The following NFX1 variants were observed in gnomAD, a reference collection of about 807,000 sequenced individuals.
The protein encoded by NFX1 is transcriptional repressor NF-X1.
A neutral mutation model predicts 137.2 loss-of-function variants in NFX1; 69 were observed. The observed-to-expected ratio is 0.50, with a 90% CI of 0.41 to 0.61. The LOEUF (loss-of-function observed/expected upper bound fraction) is 0.61, where lower values mean the gene tolerates loss of function less well. Among genes scored for constraint, NFX1 ranks in the 20% least tolerant of loss-of-function variants. The pLI is 0.00. For missense variants in NFX1, 1,167 were observed against 1,391.0 expected, an observed-to-expected ratio of 0.84 and a Z score of 2.56; for synonymous variants, 495 against 474.1, an observed-to-expected ratio of 1.04 and a Z score of -0.57.
At position 33,295,356 on chromosome 9, in the gene NFX1, A is replaced by G. The variant is rs371208813; in HGVS notation, c.962A>G (p.Asp321Gly). The change falls in exon 2 of 24, where the codon GAT (aspartate) becomes GGT (glycine). Residue 321 changes from aspartate to glycine, a missense_variant. Asp to Gly is a moderately conservative substitution (Grantham distance 94, BLOSUM62 -1). Around this residue, in one of 3 missense-constraint regions of NFX1, gnomAD observed 367 missense variants for 386.7 expected, o/e 0.95. Transcript: ENST00000379540. ...GAGAAATGCACTGTACGGAGGCAGG[A>G]TCCTCAAGTAGTATCTCCTTTCTCC... Reference protein sequence around the residue: ...DQEKCTVRRQDPQVVSPFSRG... With the variant: ...DQEKCTVRRQGPQVVSPFSRG... 4.3e-6 allele frequency: 7 copies of G among 1,614,160 alleles called. No individual in the cohort carries two copies. In the South Asian group the frequency reaches 6.6e-5, roughly 15 times the overall value.
At chr9:33,325,489 C>G (rs913672397) in intron 9 of NFX1, among the ~76,000 whole-genome samples, 1 of 152,154 alleles carries the variant, frequency 6.6e-6, no homozygotes, top group African/African-American at 2.4e-5. Flanking sequence ...CGGTGAAACC[C>G]TGTCTCTACT....
chr9:33,319,197 C>T, intron 9 of NFX1, 70 bp downstream of exon 9: 1 of 1,337,828 alleles, frequency 7.5e-7, no homozygotes, highest in African/African-American at 1.4e-5. Context: ...AGTGTTTAAG[C>T]AATGTAGAAG....
rs1299579613 is a variant in NFX1 at position 33,367,634 on chromosome 9, C to T, written c.3290+15C>T. On this transcript the variant is annotated intron_variant, in intron 23 of 23. Coordinates refer to ENST00000379540, the MANE Select transcript of NFX1 (RefSeq NM_002504.6). ...CAGTCAGACAAGTAAGATTCTCCAG[C>T]TGCTTTCCAAGGGGACCTGTCTGTC... is the stretch of plus-strand genomic sequence containing the variant. The T allele has an allele frequency of 6.2e-7, 1 of 1,611,548 alleles. No individual in the cohort carries two copies. Among genetic ancestry groups the T allele is most frequent in the Admixed American group, 1.7e-5 (1 of 59,954 alleles).
rs1823637556 is a variant in NFX1 at position 33,351,583 on chromosome 9, C to T, written c.2448C>T (p.His816=). Residue 816 remains histidine (H), a synonymous_variant, in exon 16 of 24, where the codon CAC becomes CAT. Coordinates refer to ENST00000379540, the MANE Select transcript of NFX1 (RefSeq NM_002504.6). ...KHEFRSNIPC[H]LVDISCGLPC... ...AGTTTCGGAGCAACATCCCCTGTCA[C>T]CTGGTTGATATCTCTTGCGGATTAC... 1.2e-6 allele frequency: 2 copies of T among 1,614,120 alleles called. No homozygotes were observed. The highest frequency in any genetic ancestry group is 1.3e-5 in the African/African-American group (1 of 74,938).
At chr9:33,367,728 C>A in intron 23 of NFX1, 109 bp downstream of exon 23, 1 of 940,238 alleles carries the variant, frequency 1.1e-6, no homozygotes, top group Non-Finnish European at 1.7e-6. Context: ...CAGGCCTGGC[C>A]TTGGGGTACC....
rs993448908 is a variant in NFX1, at chr9:33,370,055, G to A, written c.*77G>A. On this transcript the variant is annotated 3_prime_UTR_variant, in exon 24 of 24. Coordinates refer to ENST00000379540, the MANE Select transcript of NFX1 (RefSeq NM_002504.6). ...ATTTGCCAGCAGATAAATCATGCCCGTTCCCCTCTGCCTGGCAGAATCACA... is the reference window on the plus strand; with the variant it reads ...ATTTGCCAGCAGATAAATCATGCCCATTCCCCTCTGCCTGGCAGAATCACA... 26 of 1,091,236 alleles carry A rather than the reference G, an allele frequency of 2.4e-5. No individual in the cohort carries two copies. The African/African-American group carries it at 2.5e-4, about 10-fold the overall frequency. 67.6% of individuals were successfully genotyped at this position (1,091,236 alleles called of 1,614,324 possible).
Position 33,370,602 on chromosome 9 carries a change from GA to G in NFX1, c.*626del, listed in dbSNP as rs1824298315. The G allele has an allele frequency of 6.6e-6, 1 of 152,262 alleles. No individual in the cohort carries two copies. Among genetic ancestry groups the G allele is most frequent in the African/African-American group, 2.4e-5 (1 of 41,446 alleles). The allele number at this position is 152,262 out of a possible 1,614,324, so 9.4% of individuals were successfully genotyped here. A position where few individuals can be genotyped will look rare whatever the true frequency, so the allele number is the denominator to read the frequency against. On this transcript the variant is annotated 3_prime_UTR_variant, in exon 24 of 24. Transcript: ENST00000379540. The stretch of plus-strand genomic sequence containing the variant: ...TTCAATGTGATCAGTTCTAGACCTA[GA>G]AGGGGGTCAGGCTGCTTTACAGAAT...
chr9:33,301,235 C>CT (rs1416770534), intron 2 of NFX1, 28 bp from the exon 3 acceptor site: 1 of 1,602,106 alleles, frequency 6.2e-7, no homozygotes, highest in African/African-American at 1.3e-5. Flanking sequence ...TTGAGTTAAT[C>CT]TTTTTTGTTA....
intron 6 of NFX1, 138 bp from the exon 7 acceptor site, chr9:33,313,516 A>G (rs181844428): frequency 2.9e-6 from 2 of 701,048 alleles, no homozygotes; most frequent in Non-Finnish European, 2.4e-6. Context: ...GGAGGGAGAC[A>G]TAGGAAAAAG....
chr9:33,310,204 C>T (rs1267156242), intron 5 of NFX1, among the ~76,000 whole-genome samples: 5 of 152,156 alleles, frequency 3.3e-5, no homozygotes, highest in African/African-American at 4.8e-5. Context: ...TTTATAAGCA[C>T]ACTAATGTTT....
In NFX1 at chr9:33,295,430, A is replaced by G; in HGVS notation, c.1033+3A>G. 6.2e-7 allele frequency: 1 copy of G among 1,601,434 alleles called. No individual in the cohort carries two copies. Among genetic ancestry groups the G allele is most frequent in the Non-Finnish European group, 8.5e-7 (1 of 1,171,080 alleles). Reference sequence around the variant, plus strand: ...AAAGAATGTGGAAACGCACACAGGTAAACCTACCTAGATAGGAAATATTTT... The same window carrying G: ...AAAGAATGTGGAAACGCACACAGGTGAACCTACCTAGATAGGAAATATTTT... On this transcript the variant is annotated splice_donor_region_variant and intron_variant, in intron 2 of 23. Coordinates refer to ENST00000379540, the MANE Select transcript of NFX1 (RefSeq NM_002504.6).
At chr9:33,344,412 G>T (rs139651471) in intron 14 of NFX1, among the ~76,000 whole-genome samples, 10 of 152,140 alleles carry the variant, frequency 6.6e-5, no homozygotes, top group African/African-American at 2.4e-4. Flanking sequence ...ACCTAAAAAC[G>T]TTGGAAGACT....
intron 10 of NFX1, among the ~76,000 whole-genome samples, chr9:33,330,517 A>G (rs994258160): frequency 5.3e-5 from 8 of 152,238 alleles, no homozygotes; most frequent in South Asian, 2.1e-4. Context: ...TACTTTGTAA[A>G]TACTGTATTA....
intron 2 of NFX1, among the ~76,000 whole-genome samples, chr9:33,297,293 A>G (rs1172540958): frequency 1.3e-5 from 2 of 152,288 alleles, no homozygotes; most frequent in East Asian, 3.9e-4. Context: ...CCTTGAAGCC[A>G]CCATCTACCC....
At chr9:33,358,845 T>C (rs1218384398) in intron 19 of NFX1, among the ~76,000 whole-genome samples, 1 of 151,044 alleles carries the variant, frequency 6.6e-6, no homozygotes, top group East Asian at 1.9e-4. Context: ...CATTTTTTTG[T>C]ACCACACCCA....
rs1322448250 is a variant in NFX1 at position 33,295,435 on chromosome 9, T to C, written c.1033+8T>C. ...ATGTGGAAACGCACACAGGTAAACC[T>C]ACCTAGATAGGAAATATTTTGTTGT... On this transcript the variant is annotated splice_region_variant and intron_variant, in intron 2 of 23. Coordinates refer to ENST00000379540, the MANE Select transcript of NFX1 (RefSeq NM_002504.6). 1.3e-6 allele frequency: 2 copies of C among 1,588,082 alleles called. No homozygotes were observed. The highest frequency in any genetic ancestry group is 1.8e-5 in the Admixed American group (1 of 56,012).
chr9:33,308,085 G>A (rs1821825229), intron 5 of NFX1, among the ~76,000 whole-genome samples: 1 of 152,050 alleles, frequency 6.6e-6, no homozygotes. Flanking sequence ...GATTACTGGT[G>A]TGAGCCACCA....
chr9:33,347,759 C>A, intron 15 of NFX1: 2 of 345,918 alleles, frequency 5.8e-6, no homozygotes, highest in Admixed American at 3.4e-5. Context: ...TTCACAATTG[C>A]AAAAATGTGG....
At chr9:33,320,892 ACCCTACTTAAT>A (rs1402656880) in intron 9 of NFX1, among the ~76,000 whole-genome samples, 4 of 152,236 alleles carry the variant, frequency 2.6e-5, no homozygotes, top group African/African-American at 9.7e-5. Flanking sequence ...CAGTGGGAAC[ACCCTACTTAAT>A]CCTTTTTCTC....
Sources: gnomAD v4.1 joint callset for allele counts (sites outside exome capture counted in the v4.1 genomes callset) on GRCh38, gnomAD v4.1.1 for gene constraint, gnomAD v4.1.1 regional missense constraint, MANE v1.5 for transcripts, NCBI Gene and HGNC (gene_info 2026-07-23, HGNC 2026-07-21) for gene names.